Variants in CNTNAP4 observed in about 807,000 individuals in gnomAD.
The protein encoded by CNTNAP4 is contactin associated protein family member 4.
CNTNAP4 carries 98 observed loss-of-function variants against 148.4 expected under a neutral mutation model. The ratio of observed to expected loss-of-function variants is 0.66; its 90% confidence interval spans 0.56 to 0.78. CNTNAP4 has a LOEUF of 0.78. Ranked by LOEUF, CNTNAP4 falls within the 30% of genes least tolerant of loss-of-function variation. The probability of loss-of-function intolerance (pLI) is 0.00; values close to 1 mark genes in which losing one functional copy is unlikely to be tolerated. For missense variants in CNTNAP4, 1,935 were observed against 1,565.6 expected, an observed-to-expected ratio of 1.24 and a Z score of -3.98; for synonymous variants, 730 against 565.1, an observed-to-expected ratio of 1.29 and a Z score of -4.14.
intron 3 of CNTNAP4, among the ~76,000 whole-genome samples, chr16:76,395,367 G>T (rs536123850): frequency 5.3e-5 from 8 of 151,448 alleles, no homozygotes; most frequent in African/African-American, 1.7e-4. Flanking sequence ...CAGGGTTCAA[G>T]CAATTCTCCT....
intron 8 of CNTNAP4, among the ~76,000 whole-genome samples, chr16:76,454,856 A>G (rs6564340): frequency 0.02 from 2,979 of 152,268 alleles, 102 homozygotes; most frequent in African/African-American, 0.068. Flanking sequence ...ATAAGGATGG[A>G]TTAATTTTTC....
intron 19 of CNTNAP4, among the ~76,000 whole-genome samples, chr16:76,539,494 A>C (rs1425955756): frequency 1.3e-5 from 2 of 152,070 alleles, no homozygotes; most frequent in Non-Finnish European, 2.9e-5. Context: ...AAATTAAAAG[A>C]TTTGCAGGAA....
At position 76,452,392 on chromosome 16, in the gene CNTNAP4, A is replaced by T. The variant is rs1343967126; in HGVS notation, c.1072-116A>T. 9.4e-6 allele frequency: 9 copies of T among 959,068 alleles called. No individual in the cohort carries two copies. The African/African-American group carries it at 1.3e-4, about 14-fold the overall frequency. The allele number at this position is 959,068 out of a possible 1,614,324, so 59.4% of individuals were successfully genotyped here. A position where few individuals can be genotyped will look rare whatever the true frequency, so the allele number is the denominator to read the frequency against. ...CAGTGGTTTGGACTGTCATGTTGATAGCAGGCAGTTGTTTTAAATCGCGGA... is the reference window on the plus strand; with the variant it reads ...CAGTGGTTTGGACTGTCATGTTGATTGCAGGCAGTTGTTTTAAATCGCGGA... On this transcript the variant is annotated intron_variant, in intron 7 of 23. Coordinates refer to ENST00000611870, the MANE Select transcript of CNTNAP4 (RefSeq NM_033401.5).
At chr16:76,321,202 A>G (rs1962368246) in intron 2 of CNTNAP4, among the ~76,000 whole-genome samples, 1 of 152,242 alleles carries the variant, frequency 6.6e-6, no homozygotes, top group Non-Finnish European at 1.5e-5. Context: ...TATTAAAATC[A>G]AGCACTTATC....
At chr16:76,529,594 A>G (rs2083885179) in intron 17 of CNTNAP4, among the ~76,000 whole-genome samples, 1 of 152,176 alleles carries the variant, frequency 6.6e-6, no homozygotes, top group African/African-American at 2.4e-5. Context: ...TTTTGTTTCC[A>G]GTCTCAATTC....
At chr16:76,402,523 C>G (rs942383919) in intron 3 of CNTNAP4, among the ~76,000 whole-genome samples, 8 of 152,022 alleles carry the variant, frequency 5.3e-5, no homozygotes, top group African/African-American at 1.9e-4. Flanking sequence ...ATTTGTTGAA[C>G]TTTTGAATGG....
At chr16:76,398,600 A>T (rs1221939215) in intron 3 of CNTNAP4, among the ~76,000 whole-genome samples, 4 of 152,112 alleles carry the variant, frequency 2.6e-5, no homozygotes, top group Non-Finnish European at 4.4e-5. Context: ...GTAGTAGGGT[A>T]TACAAATACT....
At position 76,522,992 on chromosome 16, in the gene CNTNAP4, T is replaced by G. The variant is rs977319661; in HGVS notation, c.2755+735T>G. 2.6e-5 allele frequency among the ~76,000 whole-genome samples: 4 copies of G among 152,106 alleles called. 1 individual carries two copies. Among genetic ancestry groups the G allele is most frequent in the Admixed American group, 2.6e-4 (4 of 15,252 alleles). Reference sequence around the variant, plus strand: ...GTTGGCCAGGCTGGTCTTGAACTCCTGACCTCAGGTGATCCACCTGCCTCA... The same window carrying G: ...GTTGGCCAGGCTGGTCTTGAACTCCGGACCTCAGGTGATCCACCTGCCTCA... On this transcript the variant is annotated intron_variant, in intron 17 of 23. Transcript: ENST00000611870.
intron 10 of CNTNAP4, among the ~76,000 whole-genome samples, chr16:76,473,561 C>G (rs1033709715): frequency 2.6e-5 from 4 of 152,068 alleles, no homozygotes; most frequent in African/African-American, 9.7e-5. Flanking sequence ...ATCACGAGGT[C>G]AGGAGATCGA....
At chr16:76,340,824 T>C (rs940862025) in intron 2 of CNTNAP4, among the ~76,000 whole-genome samples, 64 of 152,196 alleles carry the variant, frequency 4.2e-4, no homozygotes, top group African/African-American at 1.4e-3. Context: ...TTCTCTCTGC[T>C]AAAATTTGAT....
At chr16:76,520,476 A>T (rs556794469) in intron 15 of CNTNAP4, among the ~76,000 whole-genome samples, 26 of 152,272 alleles carry the variant, frequency 1.7e-4, no homozygotes, top group Middle Eastern at 3.4e-3. Context: ...ATTTGTAAAC[A>T]TTTTGAGAAC....
At chr16:76,447,890 G>T in intron 4 of CNTNAP4, 122 bp from the exon 5 acceptor site, 2 of 647,370 alleles carry the variant, frequency 3.1e-6, no homozygotes, top group Non-Finnish European at 5.4e-6. Context: ...TAGTTGAGGA[G>T]CATCTGTATA....
At chr16:76,414,665 G>A (rs746459916) in intron 3 of CNTNAP4, among the ~76,000 whole-genome samples, 4 of 151,292 alleles carry the variant, frequency 2.6e-5, no homozygotes, top group Non-Finnish European at 5.9e-5. Flanking sequence ...GCAATTTTCT[G>A]TGTGAATATG....
At chr16:76,340,261 C>A (rs1278400846) in intron 2 of CNTNAP4, among the ~76,000 whole-genome samples, 1 of 152,100 alleles carries the variant, frequency 6.6e-6, no homozygotes, top group Non-Finnish European at 1.5e-5. Context: ...CATAGCTGCC[C>A]AAGTTCCCCC....
intron 12 of CNTNAP4, among the ~76,000 whole-genome samples, chr16:76,486,278 A>C (rs940617559): frequency 6.6e-6 from 1 of 151,306 alleles, no homozygotes; most frequent in African/African-American, 2.5e-5. Flanking sequence ...TCTCATACAG[A>C]TATGAAAATA....
intron 1 of CNTNAP4, chr16:76,309,788 G>C: frequency 1.4e-6 from 1 of 696,960 alleles, no homozygotes; most frequent in Non-Finnish European, 2.6e-6. Context: ...TGCTATTCTC[G>C]TGATAGTGAG....
intron 3 of CNTNAP4, among the ~76,000 whole-genome samples, chr16:76,397,563 A>G (rs189649613): frequency 5.3e-5 from 8 of 152,146 alleles, no homozygotes; most frequent in Admixed American, 2.0e-4. Flanking sequence ...TAGGAACAGA[A>G]TATATAGCAA....
At chr16:76,321,402 G>T (rs75227983) in intron 2 of CNTNAP4, among the ~76,000 whole-genome samples, 1,629 of 152,272 alleles carry the variant, frequency 0.011, 19 homozygotes, top group African/African-American at 0.032. Context: ...TTGCATGTCA[G>T]TGCTTAAGAG....
intron 3 of CNTNAP4, among the ~76,000 whole-genome samples, chr16:76,356,199 T>G (rs1337153399): frequency 1.3e-5 from 2 of 152,190 alleles, no homozygotes; most frequent in African/African-American, 4.8e-5. Flanking sequence ...TTACAATTAG[T>G]CAAAATAATT....
Sources: allele counts gnomAD v4.1 joint callset (sites outside exome capture counted in the v4.1 genomes callset), GRCh38; gene constraint gnomAD v4.1.1; transcripts MANE v1.5; gene names NCBI Gene and HGNC (gene_info 2026-07-23, HGNC 2026-07-21).